Variants in ADCYAP1R1 observed in about 807,000 individuals in gnomAD.
The protein encoded by ADCYAP1R1 is pituitary adenylate cyclase-activating polypeptide type I receptor.
A neutral mutation model predicts 67.6 loss-of-function variants in ADCYAP1R1; 44 were observed. The ratio of observed to expected loss-of-function variants is 0.65; its 90% CI spans 0.51 to 0.84. The LOEUF (loss-of-function observed/expected upper bound fraction) is 0.84. ADCYAP1R1 is among the 40% of genes least tolerant of loss of function. ADCYAP1R1 has a pLI of 0.00. For synonymous variants in ADCYAP1R1, 222 were observed against 219.6 expected (o/e 1.01, Z -0.10); for missense variants, 477 against 587.9 (o/e 0.81, Z 1.95).
chr7:31,055,690 G>C (rs962529945), intron 1 of ADCYAP1R1, among the ~76,000 whole-genome samples: 5 of 152,210 alleles, frequency 3.3e-5, no homozygotes, highest in Non-Finnish European at 4.4e-5. Flanking sequence ...TGGCTGGAAG[G>C]GGTTGCCAGC....
chr7:31,073,461 A>T (rs556603391), intron 3 of ADCYAP1R1, among the ~76,000 whole-genome samples: 1 of 152,306 alleles, frequency 6.6e-6, no homozygotes, highest in South Asian at 2.1e-4. Flanking sequence ...AGTGTGGAAC[A>T]TATGGGTCTG....
rs3216472 is a variant in ADCYAP1R1 at position 31,094,866 on chromosome 7, TA to T, written c.1046+2140del. ...CAGCTAGTTGGTTTGCTTCTGGCAT[TA>T]AAAAAAAATCCCTTTGCAATCTCAG... On this transcript the variant is annotated intron_variant, in intron 13 of 15. Coordinates refer to ENST00000304166, the MANE Select transcript of ADCYAP1R1 (RefSeq NM_001118.5). Among the ~76,000 whole-genome samples the T allele has an allele frequency of 5.9e-3, 883 of 150,904 alleles. 6 individuals are homozygous for T. The highest frequency in any genetic ancestry group is 0.021 in the African/African-American group (855 of 41,186).
rs1180536903 is a variant in ADCYAP1R1 at position 31,056,253 on chromosome 7, G to T, written c.-72+3575G>T. ...CTGAGTGGGCTTCCTGGAGGTGGTG[G>T]TGGGGGTTTGAGTTGGCCTTGGAGG... On this transcript the variant is annotated intron_variant, in intron 1 of 15. Coordinates refer to ENST00000304166, the MANE Select transcript of ADCYAP1R1 (RefSeq NM_001118.5). Among the ~76,000 whole-genome samples the T allele has an allele frequency of 4.6e-5, 7 of 152,192 alleles. No homozygotes were observed. The South Asian group carries it at 1.5e-3, about 32-fold the overall frequency.
rs372022933 is a variant in ADCYAP1R1 at position 31,087,608 on chromosome 7, C to T, written c.885-19C>T. 1.2e-6 allele frequency: 2 copies of T among 1,613,302 alleles called. No individual in the cohort carries two copies. The highest frequency in any genetic ancestry group is 2.2e-5 in the East Asian group (1 of 44,890). On this transcript the variant is annotated intron_variant, in intron 11 of 15. Coordinates refer to ENST00000304166, the MANE Select transcript of ADCYAP1R1 (RefSeq NM_001118.5). ...CCGACTCACAGACGTGATCTTGCTTCTCTCTGTCCATCTTTCAGCTGCTGG... is the reference window on the plus strand; with the variant it reads ...CCGACTCACAGACGTGATCTTGCTTTTCTCTGTCCATCTTTCAGCTGCTGG...
chr7:31,076,544 C>G (rs1202342072), intron 3 of ADCYAP1R1, among the ~76,000 whole-genome samples: 4 of 152,196 alleles, frequency 2.6e-5, no homozygotes, highest in African/African-American at 9.6e-5. Flanking sequence ...GATTCCTCAA[C>G]ACCTCTCAGT....
chr7:31,062,177 A>G (rs1419868204), intron 1 of ADCYAP1R1, among the ~76,000 whole-genome samples: 3 of 152,244 alleles, frequency 2.0e-5, no homozygotes, highest in Admixed American at 2.0e-4. Context: ...GTTGTAGGGT[A>G]TATGTCGTAA....
intron 1 of ADCYAP1R1, chr7:31,057,042 C>T (rs1196698370): frequency 6.6e-6 from 1 of 152,262 alleles, no homozygotes; most frequent in African/African-American, 2.4e-5. Flanking sequence ...TAACCAGCGT[C>T]TGCACAAAGG....
chr7:31,092,623 T>C, intron 12 of ADCYAP1R1, 21 bp from the exon 13 acceptor site: 1 of 984,372 alleles, frequency 1.0e-6, no homozygotes, highest in Admixed American at 2.7e-5. Context: ...TCCATCTGCT[T>C]TTTTTTTTTT....
chr7:31,081,844 G>GGTT, intron 6 of ADCYAP1R1, 90 bp downstream of exon 6: 9 of 1,063,318 alleles, frequency 8.5e-6, no homozygotes, highest in Non-Finnish European at 1.2e-5. Context: ...CCCAGGCTGG[G>GGTT]CTCTGCTCCT....
At chr7:31,091,056 T>A (rs892818116) in intron 12 of ADCYAP1R1, among the ~76,000 whole-genome samples, 2 of 152,236 alleles carry the variant, frequency 1.3e-5, no homozygotes, top group Non-Finnish European at 2.9e-5. Context: ...CATGTTCCCT[T>A]TTCTCTGCTG....
chr7:31,098,493 T>C (rs1796297043), intron 13 of ADCYAP1R1, among the ~76,000 whole-genome samples: 1 of 152,158 alleles, frequency 6.6e-6, no homozygotes. Context: ...AGGTGGCACC[T>C]GGGATTCTGC....
intron 6 of ADCYAP1R1, 104 bp from the exon 7 acceptor site, chr7:31,084,037 A>C (rs149789156): frequency 1.7e-5 from 16 of 934,480 alleles, no homozygotes; most frequent in African/African-American, 3.2e-5. Flanking sequence ...CCAGTTGGTC[A>C]TAGGGGTTTC....
At chr7:31,081,840 C>A in intron 6 of ADCYAP1R1, 86 bp downstream of exon 6, 9 of 1,080,408 alleles carry the variant, frequency 8.3e-6, no homozygotes, top group Non-Finnish European at 1.2e-5. Context: ...CCATCCCAGG[C>A]TGGGCTCTGC....
chr7:31,099,995 C>T lies in ADCYAP1R1; in HGVS notation c.1047-3242C>T, dbSNP rs1796371248. 5.9e-6 allele frequency: 5 copies of T among 840,836 alleles called. No homozygotes were observed. In the East Asian group the frequency reaches 1.3e-4, roughly 22 times the overall value. The allele number at this position is 840,836 out of a possible 1,614,324, so 52.1% of individuals were successfully genotyped here. A position where few individuals can be genotyped will look rare whatever the true frequency, so the allele number is the denominator to read the frequency against. On this transcript the variant is annotated intron_variant, in intron 13 of 15. Coordinates refer to ENST00000304166, the MANE Select transcript of ADCYAP1R1 (RefSeq NM_001118.5). ...CTGCCCATGTCTTGGCCCTTGGCTCCCTCATTCTCCTCCACATGACTGCCC... is the reference window on the plus strand; with the variant it reads ...CTGCCCATGTCTTGGCCCTTGGCTCTCTCATTCTCCTCCACATGACTGCCC...
In ADCYAP1R1 at chr7:31,106,627, C is replaced by T; in HGVS notation, c.1350C>T (p.Ser450=). The change falls in exon 16 of 16, where the codon AGC becomes AGT. Residue 450 remains serine (S), a synonymous_variant. Coordinates refer to ENST00000304166, the MANE Select transcript of ADCYAP1R1 (RefSeq NM_001118.5). The part of the protein sequence containing the change: ...VNGGTQLSIL[S]KSSSQIRMSG... ...GGGGCACCCAGCTCTCCATCCTGAGCAAGAGCAGCTCCCAAATCCGCATGT... is the reference window on the plus strand; with the variant it reads ...GGGGCACCCAGCTCTCCATCCTGAGTAAGAGCAGCTCCCAAATCCGCATGT... 6.2e-7 allele frequency: 1 copy of T among 1,613,708 alleles called. No homozygotes were observed.
intron 15 of ADCYAP1R1, among the ~76,000 whole-genome samples, chr7:31,106,156 T>G (rs986365036): frequency 5.3e-5 from 8 of 152,232 alleles, no homozygotes; most frequent in African/African-American, 1.9e-4. Context: ...GGGGATCCTT[T>G]CCTGATCCAC....
chr7:31,078,581 A>AC (rs1795379720), intron 4 of ADCYAP1R1, among the ~76,000 whole-genome samples: 1 of 151,968 alleles, frequency 6.6e-6, no homozygotes, highest in African/African-American at 2.4e-5. Context: ...ACATGTAGAC[A>AC]CCCCCCTCAG....
rs1320374720 is a variant in ADCYAP1R1 at position 31,081,704 on chromosome 7, A to G, written c.287-9A>G. The G allele has an allele frequency of 2.5e-6, 4 of 1,595,104 alleles. No individual in the cohort carries two copies. The highest frequency in any genetic ancestry group is 3.4e-6 in the Non-Finnish European group (4 of 1,170,924). On this transcript the variant is annotated splice_polypyrimidine_tract_variant and intron_variant, in intron 5 of 15. Coordinates refer to ENST00000304166, the MANE Select transcript of ADCYAP1R1 (RefSeq NM_001118.5). The stretch of plus-strand genomic sequence containing the variant: ...CATTTTGATATATGCCTATGTCTGT[A>G]TTTTTCAGGAGAGTCTGATTTTGGT...
At chr7:31,082,044 C>T (rs568869241) in intron 6 of ADCYAP1R1, among the ~76,000 whole-genome samples, 7 of 152,336 alleles carry the variant, frequency 4.6e-5, no homozygotes, top group Admixed American at 1.3e-4. Flanking sequence ...TTCTGAACTC[C>T]AGCATCTAGA....
Sources: gnomAD v4.1 joint callset for allele counts (sites outside exome capture counted in the v4.1 genomes callset) on GRCh38, gnomAD v4.1.1 for gene constraint, MANE v1.5 for transcripts, NCBI Gene and HGNC (gene_info 2026-07-23, HGNC 2026-07-21) for gene names.